Variants in ILDR2 observed in about 807,000 individuals in gnomAD.
ILDR2 encodes immunoglobulin like domain containing receptor 2.
A neutral mutation model predicts 66.8 loss-of-function variants in ILDR2; 25 were observed. That is an observed-to-expected ratio of 0.37 (90% CI 0.27 to 0.52). ILDR2 has a LOEUF of 0.52. Among genes scored for constraint, ILDR2 ranks in the 20% least tolerant of loss-of-function variants. The pLI is 0.88. For synonymous variants in ILDR2, 367 were observed against 357.2 expected (o/e 1.03, Z -0.31); for missense variants, 827 against 876.8 (o/e 0.94, Z 0.72).
chr1:166,970,355 C>T (rs1358009845), intron 1 of ILDR2, among the ~76,000 whole-genome samples: 1 of 152,124 alleles, frequency 6.6e-6, no homozygotes, highest in Non-Finnish European at 1.5e-5. Context: ...ACTGGGTCTC[C>T]CTTGATGGCT....
chr1:166,975,073 C>G (rs1261290528), intron 1 of ILDR2, 150 bp downstream of exon 1: 2 of 618,420 alleles, frequency 3.2e-6, no homozygotes, highest in Admixed American at 4.4e-5. Flanking sequence ...CAAACACACA[C>G]GTTGCCCCCT....
intron 7 of ILDR2, among the ~76,000 whole-genome samples, chr1:166,925,892 C>A (rs1660249887): frequency 6.6e-6 from 1 of 152,176 alleles, no homozygotes; most frequent in Non-Finnish European, 1.5e-5. Context: ...CGCAAATTTC[C>A]TGCACAGACT....
In ILDR2 at chr1:166,939,368, C is replaced by G. The variant is rs1661175588; in HGVS notation, c.556+146G>C. 4 of 659,058 alleles carry G rather than the reference C, an allele frequency of 6.1e-6. No individual in the cohort carries two copies. In the East Asian group the frequency reaches 1.1e-4, roughly 18 times the overall value. 40.8% of individuals were successfully genotyped at this position (659,058 alleles called of 1,614,324 possible). The stretch of plus-strand genomic sequence containing the variant: ...AAGGAATGCAATTTAAAAGCCCTTC[C>G]AATGGGTTTAGTTAATCCTGGAAAA... On this transcript the variant is annotated intron_variant, in intron 4 of 9. Transcript: ENST00000271417.
rs1266113067 is a variant in ILDR2, at chr1:166,911,223, C to G, written c.*8132G>C. 1.3e-5 allele frequency: 2 copies of G among 152,220 alleles called. No individual in the cohort carries two copies. Among genetic ancestry groups the G allele is most frequent in the African/African-American group, 4.8e-5 (2 of 41,452 alleles). The allele number at this position is 152,220 out of a possible 1,614,324, so 9.4% of individuals were successfully genotyped here. On this transcript the variant is annotated 3_prime_UTR_variant, in exon 10 of 10. Coordinates refer to ENST00000271417, the MANE Select transcript of ILDR2 (RefSeq NM_199351.3). ...CTCTAAAGAATATGTAAAGTTAAAG[C>G]CTCTTGCCCTCCCCATCTTAAGATT...
intron 7 of ILDR2, among the ~76,000 whole-genome samples, chr1:166,925,178 C>T (rs1660205182): frequency 6.6e-6 from 1 of 152,168 alleles, no homozygotes; most frequent in African/African-American, 2.4e-5. Context: ...GCCTGGACCT[C>T]AAACTCAATT....
In ILDR2 at chr1:166,973,617, C is replaced by G. The variant is rs906459900; in HGVS notation, c.46+1606G>C. On this transcript the variant is annotated intron_variant, in intron 1 of 9. Transcript: ENST00000271417. ...ACCTCTGACTCAGGGACCCCTCCCC[C>G]CCCCCCCCGATGCCTGGCTGACTTC... 3.1e-4 allele frequency among the ~76,000 whole-genome samples: 34 copies of G among 109,494 alleles called. 5 individuals are homozygous for G. Among genetic ancestry groups the G allele is most frequent in the Non-Finnish European group, 5.1e-4 (27 of 52,846 alleles). 71.8% of individuals were successfully genotyped at this position (109,494 alleles called of 152,430 possible). A position where few individuals can be genotyped will look rare whatever the true frequency, so the allele number is the denominator to read the frequency against.
Position 166,919,333 on chromosome 1 carries a change from A to T in ILDR2, c.*22T>A. ...CGTAGTCCATGTCTGATTTCTCATT[A>T]TCCAGAGAAATGTTGACAACATCAG... On this transcript the variant is annotated 3_prime_UTR_variant, in exon 10 of 10. Coordinates refer to ENST00000271417, the MANE Select transcript of ILDR2 (RefSeq NM_199351.3). 1.2e-6 allele frequency: 2 copies of T among 1,609,364 alleles called. No homozygotes were observed. The highest frequency in any genetic ancestry group is 1.7e-6 in the Non-Finnish European group (2 of 1,176,152).
chr1:166,911,060 C>T lies in ILDR2; in HGVS notation c.*8295G>A, dbSNP rs568220516. 6.6e-6 allele frequency: 1 copy of T among 152,188 alleles called. No homozygotes were observed. Among genetic ancestry groups the T allele is most frequent in the Non-Finnish European group, 1.5e-5 (1 of 68,050 alleles). The allele number at this position is 152,188 out of a possible 1,614,324, so 9.4% of individuals were successfully genotyped here. On this transcript the variant is annotated 3_prime_UTR_variant, in exon 10 of 10. Coordinates refer to ENST00000271417, the MANE Select transcript of ILDR2 (RefSeq NM_199351.3). ...TTCAGGTGTGAGCCACAGGGCCCGG[C>T]CTTCCTTGCCTCTTGAATGAAATCT...
intron 3 of ILDR2, among the ~76,000 whole-genome samples, chr1:166,945,573 T>G (rs1411166735): frequency 6.6e-6 from 1 of 152,256 alleles, no homozygotes; most frequent in Admixed American, 6.5e-5. Flanking sequence ...CCAAAAAGAC[T>G]GTTTTGGTCT....
chr1:166,927,097 A>T lies in ILDR2; in HGVS notation c.964T>A (p.Phe322Ile). Residue 322 changes from phenylalanine to isoleucine, a missense_variant, in exon 7 of 10, where the codon TTT becomes ATT. Phe to Ile is a conservative substitution (Grantham distance 21). Coordinates refer to ENST00000271417, the MANE Select transcript of ILDR2 (RefSeq NM_199351.3). ...CCTCTCATCCTTCTGGCTGGATCAA[A>T]CTGAGCCAGCTCCTTCTCAACATAG... is the stretch of plus-strand genomic sequence containing the variant. The part of the protein sequence containing the change: ...LYYVEKELAQ[F>I]DPARRMRGRY... 6.2e-7 allele frequency: 1 copy of T among 1,612,644 alleles called. No individual in the cohort carries two copies. The highest frequency in any genetic ancestry group is 2.2e-5 in the East Asian group (1 of 44,818).
intron 1 of ILDR2, among the ~76,000 whole-genome samples, chr1:166,973,172 G>T (rs1046772893): frequency 6.6e-6 from 1 of 152,114 alleles, no homozygotes; most frequent in Non-Finnish European, 1.5e-5. Context: ...AGCTGGTCCT[G>T]ATAACTAACC....
chr1:166,957,312 AGCCACCTGGGGCTTGG>A (rs1351665895), intron 2 of ILDR2, among the ~76,000 whole-genome samples: 1 of 152,224 alleles, frequency 6.6e-6, no homozygotes, highest in Admixed American at 6.5e-5. Context: ...ATTGATGCAA[AGCCACCTGGGGCTTGG>A]GCCAAGCATC....
In ILDR2 at chr1:166,959,129, TC is replaced by T. The variant is rs375439161; in HGVS notation, c.47-1029del. 3.1e-3 allele frequency among the ~76,000 whole-genome samples: 467 copies of T among 152,364 alleles called. 4 individuals carry two copies. Among genetic ancestry groups the T allele is most frequent in the African/African-American group, 0.011 (439 of 41,588 alleles). On this transcript the variant is annotated intron_variant, in intron 1 of 9. Transcript: ENST00000271417. ...TGTCTCCTGTTTCTGGGATGCTTTT[TC>T]CTCACTTCTTTGCTTGGGCAACTTT...
chr1:166,939,239 G>GGT, intron 4 of ILDR2, among the ~76,000 whole-genome samples: 1 of 152,142 alleles, frequency 6.6e-6, no homozygotes, highest in Non-Finnish European at 1.5e-5. Flanking sequence ...ATACTGAAAT[G>GGT]GGCATGGAGA....
rs900262618 is a variant in ILDR2 at position 166,910,413 on chromosome 1, A to G, written c.*8942T>C. 6.6e-6 allele frequency: 1 copy of G among 152,246 alleles called. No individual in the cohort carries two copies. Among genetic ancestry groups the G allele is most frequent in the African/African-American group, 2.4e-5 (1 of 41,456 alleles). 9.4% of individuals were successfully genotyped at this position (152,246 alleles called of 1,614,324 possible). A position where few individuals can be genotyped will look rare whatever the true frequency, so the allele number is the denominator to read the frequency against. On this transcript the variant is annotated 3_prime_UTR_variant, in exon 10 of 10. Coordinates refer to ENST00000271417, the MANE Select transcript of ILDR2 (RefSeq NM_199351.3). ...CCTAATGCACTTAATTTGTTTTTCA[A>G]AAGCCAAATTCATCTATATAAATTC...
intron 2 of ILDR2, among the ~76,000 whole-genome samples, chr1:166,898,457 C>T (rs1294289597): frequency 1.3e-5 from 2 of 152,178 alleles, no homozygotes; most frequent in Admixed American, 6.5e-5. Flanking sequence ...CCCAAAGTAG[C>T]TCCCAGAACT....
At position 166,930,001 on chromosome 1, in the gene ILDR2, T is replaced by C. The variant is rs575724661; in HGVS notation, c.881-2821A>G. Among the ~76,000 whole-genome samples the C allele has an allele frequency of 2.0e-5, 3 of 152,280 alleles. No individual in the cohort carries two copies. In the South Asian group the frequency reaches 6.2e-4, roughly 32 times the overall value. On this transcript the variant is annotated intron_variant, in intron 6 of 9. Coordinates refer to ENST00000271417, the MANE Select transcript of ILDR2 (RefSeq NM_199351.3). ...TGTTCTAATTTCTGAAGCACTGTTA[T>C]GGTAAACATTCAGTGATACTGCACT...
At chr1:166,967,275 G>A (rs1663011844) in intron 1 of ILDR2, among the ~76,000 whole-genome samples, 1 of 152,196 alleles carries the variant, frequency 6.6e-6, no homozygotes, top group African/African-American at 2.4e-5. Flanking sequence ...GTTGGAAACG[G>A]TAGGCTTATC....
intron 1 of ILDR2, among the ~76,000 whole-genome samples, chr1:166,960,166 G>C: frequency 6.6e-6 from 1 of 152,220 alleles, no homozygotes; most frequent in East Asian, 1.9e-4. Context: ...CCTAATTCCT[G>C]TTGGGGAAAA....
Sources: allele counts gnomAD v4.1 joint callset (sites outside exome capture counted in the v4.1 genomes callset), GRCh38; gene constraint gnomAD v4.1.1; transcripts MANE v1.5; gene names NCBI Gene and HGNC (gene_info 2026-07-23, HGNC 2026-07-21).